Variants in KCNQ5 observed in about 807,000 individuals in gnomAD.
KCNQ5 encodes potassium voltage-gated channel subfamily KQT member 5.
KCNQ5 carries 30 observed loss-of-function variants against 98.2 expected under a neutral mutation model. The ratio of observed to expected loss-of-function variants is 0.31; its 90% CI spans 0.23 to 0.41. KCNQ5 has a LOEUF of 0.41. Ranked by LOEUF, KCNQ5 falls within the 10% of genes least tolerant of loss-of-function variation. KCNQ5 has a pLI of 1.00. For synonymous variants in KCNQ5, 458 were observed against 449.4 expected (o/e 1.02, Z -0.24); for missense variants, 835 against 1,182.5 (o/e 0.71, Z 4.31).
chr6:73,051,181 A>G (rs1338256131), intron 3 of KCNQ5, among the ~76,000 whole-genome samples: 4 of 152,232 alleles, frequency 2.6e-5, no homozygotes, highest in Non-Finnish European at 5.9e-5. Context: ...GGAGGTCAGC[A>G]GCCCCACCCC....
intron 1 of KCNQ5, among the ~76,000 whole-genome samples, chr6:72,797,151 A>G (rs1341283087): frequency 1.3e-5 from 2 of 152,204 alleles, no homozygotes; most frequent in Non-Finnish European, 2.9e-5. Context: ...TTTATTCACT[A>G]TTCCCGTTAG....
intron 10 of KCNQ5, chr6:73,136,028 G>A (rs1054869836): frequency 7.9e-5 from 12 of 152,148 alleles, no homozygotes; most frequent in Admixed American, 3.9e-4. Context: ...GGTACTAGGG[G>A]TTAGGACCAT....
intron 2 of KCNQ5, among the ~76,000 whole-genome samples, chr6:73,038,658 A>G (rs541739658): frequency 6.6e-6 from 1 of 151,982 alleles, no homozygotes; most frequent in South Asian, 2.1e-4. Context: ...AATGCATTAT[A>G]TTGATTGATT....
intron 1 of KCNQ5, among the ~76,000 whole-genome samples, chr6:72,633,559 G>A (rs931829257): frequency 3.3e-5 from 5 of 152,044 alleles, no homozygotes; most frequent in Non-Finnish European, 5.9e-5. Context: ...CATTCATATG[G>A]AACCAAAAAA....
At chr6:72,864,765 T>C (rs1320418576) in intron 1 of KCNQ5, among the ~76,000 whole-genome samples, 1 of 152,140 alleles carries the variant, frequency 6.6e-6, no homozygotes, top group Non-Finnish European at 1.5e-5. Context: ...AAAAAAAAAC[T>C]CCACATAATT....
rs766832606 is a variant in KCNQ5 at position 72,804,508 on chromosome 6, T to G, written c.398+181921T>G. ...GTTGTTGCAAATGACAGAATCTCACTCTTCTTTATAGCCCGGTAGTACTCT... is the reference window on the plus strand; with the variant it reads ...GTTGTTGCAAATGACAGAATCTCACGCTTCTTTATAGCCCGGTAGTACTCT... On this transcript the variant is annotated intron_variant, in intron 1 of 13. Transcript: ENST00000370398. Among the ~76,000 whole-genome samples, 5 of 152,110 alleles carry G rather than the reference T, an allele frequency of 3.3e-5. 1 individual carries two copies. Among genetic ancestry groups the G allele is most frequent in the Non-Finnish European group, 5.9e-5 (4 of 67,990 alleles).
At chr6:72,924,915 A>G (rs1259262217) in intron 1 of KCNQ5, among the ~76,000 whole-genome samples, 3 of 152,212 alleles carry the variant, frequency 2.0e-5, no homozygotes, top group Non-Finnish European at 4.4e-5. Flanking sequence ...CATATAAACA[A>G]GGAAGAGAGG....
chr6:72,662,630 A>G (rs1189329428), intron 1 of KCNQ5, among the ~76,000 whole-genome samples: 1 of 152,072 alleles, frequency 6.6e-6, no homozygotes, highest in Non-Finnish European at 1.5e-5. Flanking sequence ...ATACCTAAGT[A>G]ATATTTTTCT....
chr6:73,121,167 A>C (rs1307378446), intron 8 of KCNQ5, among the ~76,000 whole-genome samples: 1 of 152,216 alleles, frequency 6.6e-6, no homozygotes, highest in African/African-American at 2.4e-5. Flanking sequence ...ACAATTTTAA[A>C]GTAAGACTAC....
At chr6:72,914,220 G>A (rs1780047386) in intron 1 of KCNQ5, among the ~76,000 whole-genome samples, 1 of 152,054 alleles carries the variant, frequency 6.6e-6, no homozygotes. Flanking sequence ...TAACAACTTT[G>A]AATAAAGAAA....
intron 1 of KCNQ5, among the ~76,000 whole-genome samples, chr6:72,918,806 A>G (rs915079590): frequency 6.6e-6 from 1 of 152,176 alleles, no homozygotes; most frequent in Non-Finnish European, 1.5e-5. Context: ...AGGGTGAAAG[A>G]ACTAAAATCA....
At chr6:72,961,537 G>T (rs532248663) in intron 1 of KCNQ5, among the ~76,000 whole-genome samples, 1 of 151,812 alleles carries the variant, frequency 6.6e-6, no homozygotes, top group East Asian at 1.9e-4. Flanking sequence ...CAGGAGAATG[G>T]CGTGAACCCG....
At chr6:72,781,098 G>A (rs1773442171) in intron 1 of KCNQ5, among the ~76,000 whole-genome samples, 1 of 152,172 alleles carries the variant, frequency 6.6e-6, no homozygotes, top group Non-Finnish European at 1.5e-5. Context: ...CTTTGTGGAT[G>A]TAATTAGTTG....
rs187994316 is a variant in KCNQ5 at position 72,812,372 on chromosome 6, G to A, written c.398+189785G>A. 1.4e-3 allele frequency among the ~76,000 whole-genome samples: 220 copies of A among 152,280 alleles called. 1 individual carries two copies. Among genetic ancestry groups the A allele is most frequent in the African/African-American group, 5.0e-3 (208 of 41,556 alleles). On this transcript the variant is annotated intron_variant, in intron 1 of 13. Transcript: ENST00000370398. ...GTTTGAATGCCTCTGACACTACAAT[G>A]CGTGGGCCAGCACTCTACCTGTAGT...
intron 2 of KCNQ5, among the ~76,000 whole-genome samples, chr6:73,020,131 C>T (rs1231343057): frequency 6.6e-6 from 1 of 152,050 alleles, no homozygotes; most frequent in African/African-American, 2.4e-5. Flanking sequence ...TAATTCAATT[C>T]AGTTCTGATA....
chr6:72,733,489 C>T (rs1770659108), intron 1 of KCNQ5, among the ~76,000 whole-genome samples: 1 of 152,172 alleles, frequency 6.6e-6, no homozygotes, highest in African/African-American at 2.4e-5. Flanking sequence ...AGCAGTGATG[C>T]TCACTGAGTT....
At chr6:72,994,660 C>G (rs995758568) in intron 1 of KCNQ5, among the ~76,000 whole-genome samples, 8 of 152,038 alleles carry the variant, frequency 5.3e-5, no homozygotes, top group African/African-American at 1.4e-4. Flanking sequence ...GGAGCTGTTC[C>G]TATTCGGCCA....
At chr6:72,658,559 G>GATATATATATATATATATATATATAT (rs1189137122) in intron 1 of KCNQ5, among the ~76,000 whole-genome samples, 8 of 88,434 alleles carry the variant, frequency 9.0e-5, no homozygotes, top group Admixed American at 1.5e-4. Flanking sequence ...GGGATTAAAG[G>GATATATATATATATATATATATATAT]ATATATATAT....
intron 1 of KCNQ5, among the ~76,000 whole-genome samples, chr6:72,751,877 A>G (rs1460594377): frequency 6.6e-6 from 1 of 152,166 alleles, no homozygotes; most frequent in Non-Finnish European, 1.5e-5. Flanking sequence ...TTCCCAAATC[A>G]TCTGTAAGTA....
Sources: gnomAD v4.1 joint callset for allele counts (sites outside exome capture counted in the v4.1 genomes callset) on GRCh38, gnomAD v4.1.1 for gene constraint, MANE v1.5 for transcripts, NCBI Gene and HGNC (gene_info 2026-07-23, HGNC 2026-07-21) for gene names.